IQSEC1: variants seen among roughly 807,000 people sequenced by gnomAD.
IQSEC1 encodes IQ motif and SEC7 domain-containing protein 1.
In IQSEC1, 31 loss-of-function variants were observed where a neutral mutation model predicts 91.0. The ratio of observed to expected loss-of-function variants is 0.34; its 90% CI spans 0.26 to 0.46. IQSEC1 has a LOEUF of 0.46. IQSEC1 is among the 20% of genes least tolerant of loss of function. The pLI is 1.00. For missense variants in IQSEC1, 1,388 were observed against 1,575.6 expected (o/e 0.88, Z 2.02); for synonymous variants, 699 against 662.6 (o/e 1.05, Z -0.84).
At chr3:13,067,654 T>C (rs1002768203) in intron 1 of IQSEC1, among the ~76,000 whole-genome samples, 3 of 152,186 alleles carry the variant, frequency 2.0e-5, no homozygotes, top group African/African-American at 7.2e-5. Context: ...CCCATCTCTG[T>C]GCACTGGGTG....
intron 1 of IQSEC1, among the ~76,000 whole-genome samples, chr3:13,062,015 C>T (rs1300104847): frequency 6.6e-6 from 1 of 152,182 alleles, no homozygotes; most frequent in African/African-American, 2.4e-5. Context: ...AGCCTCCACA[C>T]AGGAACGTGT....
intron 2 of IQSEC1, among the ~76,000 whole-genome samples, chr3:13,138,521 C>A (rs561670717): frequency 2.0e-5 from 3 of 152,168 alleles, no homozygotes; most frequent in African/African-American, 7.2e-5. Context: ...GGCTGTCCTA[C>A]TCCCACCAGG....
intron 1 of IQSEC1, among the ~76,000 whole-genome samples, chr3:12,953,019 G>A (rs1021585353): frequency 2.6e-5 from 4 of 152,240 alleles, no homozygotes; most frequent in African/African-American, 9.6e-5. Context: ...GGGCCTCACT[G>A]TTCTCTGAGG....
intron 2 of IQSEC1, among the ~76,000 whole-genome samples, chr3:13,147,138 C>A (rs757564132): frequency 2.0e-5 from 3 of 152,104 alleles, no homozygotes; most frequent in Admixed American, 6.5e-5. Context: ...CCATGCCAAG[C>A]CACTGCTGCT....
chr3:13,143,670 G>A (rs1169410021), intron 2 of IQSEC1, among the ~76,000 whole-genome samples: 1 of 152,238 alleles, frequency 6.6e-6, no homozygotes, highest in African/African-American at 2.4e-5. Context: ...AGGGCTGGTA[G>A]TGGCAGGGAG....
chr3:13,024,447 A>C (rs1176086401), intron 1 of IQSEC1, among the ~76,000 whole-genome samples: 1 of 150,310 alleles, frequency 6.7e-6, no homozygotes, highest in Non-Finnish European at 1.5e-5. Flanking sequence ...CCATCCACTC[A>C]TCCACCCATC....
Position 13,073,153 on chromosome 3 carries a change from GTGGC to G in IQSEC1, c.-143_-140del. Reference sequence around the variant, plus strand: ...CGCGGGGCGAGTCACATTCCCGGGGGTGGCGGGCTCCTCCAGGGAGGCTGGGGCG... The same window carrying G: ...CGCGGGGCGAGTCACATTCCCGGGGGGGGCTCCTCCAGGGAGGCTGGGGCG... On this transcript the variant is annotated 5_prime_UTR_variant, in exon 1 of 14. Transcript: ENST00000613206. 9.6e-7 allele frequency: 1 copy of G among 1,037,896 alleles called. No homozygotes were observed. Among genetic ancestry groups the G allele is most frequent in the Non-Finnish European group, 1.4e-6 (1 of 698,838 alleles). 64.3% of individuals were successfully genotyped at this position (1,037,896 alleles called of 1,614,324 possible).
chr3:13,112,014 T>C (rs1034693326), intron 2 of IQSEC1, among the ~76,000 whole-genome samples: 1 of 152,154 alleles, frequency 6.6e-6, no homozygotes, highest in Admixed American at 6.5e-5. Context: ...CCCCAGCCCC[T>C]GCACCCTCAT....
chr3:13,276,080 CTTT>C (rs796663192), intron 1 of IQSEC1, among the ~76,000 whole-genome samples: 4 of 79,550 alleles, frequency 5.0e-5, no homozygotes, highest in East Asian at 1.1e-3. Context: ...CAAAAGCATT[CTTT>C]TTTTTTTTTT....
At chr3:13,012,270 C>A (rs2124918342) in intron 1 of IQSEC1, among the ~76,000 whole-genome samples, 1 of 152,280 alleles carries the variant, frequency 6.6e-6, no homozygotes, top group South Asian at 2.1e-4. Context: ...GAGTCCTGAA[C>A]CCGACCCTAG....
rs77700692 is a variant in IQSEC1 at position 13,204,249 on chromosome 3, C to T, written c.273-40116G>A. 3.0e-3 allele frequency among the ~76,000 whole-genome samples: 458 copies of T among 152,386 alleles called. 2 individuals carry two copies. The highest frequency in any genetic ancestry group is 0.01 in the African/African-American group (435 of 41,598). On this transcript the variant is annotated intron_variant, in intron 1 of 15. Transcript: ENST00000648114. ...CACGTGCGACTGTCATCGAGGAAAA[C>T]CTCAGTGAGCAGCGCGGGCGCCAGC...
At chr3:13,230,256 T>C (rs1029179927) in intron 1 of IQSEC1, among the ~76,000 whole-genome samples, 4 of 152,078 alleles carry the variant, frequency 2.6e-5, no homozygotes, top group African/African-American at 9.7e-5. Flanking sequence ...GAAACATAAA[T>C]AAGTCAGAAG....
intron 2 of IQSEC1, among the ~76,000 whole-genome samples, chr3:13,115,937 C>T (rs540368122): frequency 1.6e-4 from 24 of 152,228 alleles, no homozygotes; most frequent in South Asian, 4.1e-4. Context: ...AGGTTAGCAT[C>T]GGAAGCATCA....
chr3:13,004,019 T>C (rs893605127), intron 1 of IQSEC1, among the ~76,000 whole-genome samples: 1 of 152,254 alleles, frequency 6.6e-6, no homozygotes, highest in Admixed American at 6.5e-5. Context: ...TTTGTATTAT[T>C]GTTGTAACTC....
At chr3:13,113,850 A>T (rs1184085887) in intron 2 of IQSEC1, among the ~76,000 whole-genome samples, 6 of 152,250 alleles carry the variant, frequency 3.9e-5, no homozygotes, top group Non-Finnish European at 8.8e-5. Context: ...AAAGCGAAAC[A>T]GTGGAAGCAC....
In IQSEC1 at chr3:12,922,413, A is replaced by G. The variant is rs77214410; in HGVS notation, c.1731-171T>C. Among the ~76,000 whole-genome samples the G allele has an allele frequency of 3.1e-3, 473 of 152,046 alleles. 2 individuals are homozygous for G. Among genetic ancestry groups the G allele is most frequent in the Middle Eastern group, 6.8e-3 (2 of 294 alleles). Reference sequence around the variant, plus strand: ...AGAGCCCTCAGAATGCAGCAAAAAGACCTCCAGTCTTCTGGGGAGCCCACA... The same window carrying G: ...AGAGCCCTCAGAATGCAGCAAAAAGGCCTCCAGTCTTCTGGGGAGCCCACA... On this transcript the variant is annotated intron_variant, in intron 4 of 13. Transcript: ENST00000613206. This position sits in a 1 kb window ranked among gnomAD's most constrained non-coding sequence, Gnocchi z 5.1.
At chr3:12,936,936 C>CTTTT (rs1163135062) in intron 2 of IQSEC1, among the ~76,000 whole-genome samples, 1 of 144,264 alleles carries the variant, frequency 6.9e-6, no homozygotes, top group African/African-American at 2.5e-5. Flanking sequence ...TCTCAGACCT[C>CTTTT]TTTTTTTTTT....
intron 1 of IQSEC1, among the ~76,000 whole-genome samples, chr3:13,016,332 T>C (rs895012579): frequency 1.3e-5 from 2 of 152,218 alleles, no homozygotes; most frequent in Non-Finnish European, 2.9e-5. Flanking sequence ...TGGGTCTCAA[T>C]TGTCATCTCT....
At position 13,100,961 on chromosome 3, in the gene IQSEC1, G is replaced by T. The variant is rs1303252366; in HGVS notation, c.303-53439C>A. 1.3e-5 allele frequency among the ~76,000 whole-genome samples: 2 copies of T among 148,346 alleles called. 1 individual carries two copies. Among genetic ancestry groups the T allele is most frequent in the Non-Finnish European group, 3.0e-5 (2 of 67,058 alleles). Reference sequence around the variant, plus strand: ...GCAATCTTTGAATTGAGACCTGAACGAGGCCTGCCATGGGAGGACCTCGAG... The same window carrying T: ...GCAATCTTTGAATTGAGACCTGAACTAGGCCTGCCATGGGAGGACCTCGAG... On this transcript the variant is annotated intron_variant, in intron 2 of 15. Transcript: ENST00000648114.
Sources: allele counts gnomAD v4.1 joint callset (sites outside exome capture counted in the v4.1 genomes callset), GRCh38; gene constraint gnomAD v4.1.1; non-coding constraint Gnocchi (gnomAD v3.1); transcripts MANE v1.5; gene names NCBI Gene and HGNC (gene_info 2026-07-23, HGNC 2026-07-21).